LCOR: variants seen among roughly 807,000 people sequenced by gnomAD.
The protein encoded by LCOR is ligand-dependent corepressor.
In LCOR, 14 loss-of-function variants were observed where a neutral mutation model predicts 64.4. The observed-to-expected ratio is 0.22, with a 90% CI of 0.14 to 0.34. The LOEUF (loss-of-function observed/expected upper bound fraction) is 0.34. LCOR is among the 10% of genes least tolerant of loss of function. LCOR has a pLI of 1.00. For missense variants in LCOR, 1,686 were observed against 1,765.3 expected, an observed-to-expected ratio of 0.96 and a Z score of 0.80; for synonymous variants, 643 against 642.5, an observed-to-expected ratio of 1.00 and a Z score of -0.01.
At chr10:96,928,783 A>G (rs1233847117) in intron 4 of LCOR, among the ~76,000 whole-genome samples, 1 of 152,222 alleles carries the variant, frequency 6.6e-6, no homozygotes, top group Admixed American at 6.5e-5. Flanking sequence ...TTTCTTAAGT[A>G]ACAAGACTTG....
At chr10:96,879,560 A>G (rs1191271591) in intron 2 of LCOR, among the ~76,000 whole-genome samples, 3 of 152,238 alleles carry the variant, frequency 2.0e-5, no homozygotes, top group African/African-American at 4.8e-5. Flanking sequence ...CGTAGAAATT[A>G]TATCTCATGG....
At chr10:96,842,542 T>G (rs1379611919) in intron 2 of LCOR, among the ~76,000 whole-genome samples, 1 of 152,182 alleles carries the variant, frequency 6.6e-6, no homozygotes, top group Non-Finnish European at 1.5e-5. Flanking sequence ...CATATCTGAT[T>G]TAATATAGTA....
At chr10:96,860,043 A>G (rs1845863188) in intron 2 of LCOR, among the ~76,000 whole-genome samples, 1 of 152,212 alleles carries the variant, frequency 6.6e-6, no homozygotes, top group Admixed American at 6.5e-5. Context: ...TAAGGGCTTG[A>G]AGGAGAAGAG....
At chr10:96,922,076 G>T (rs535853114) in intron 4 of LCOR, among the ~76,000 whole-genome samples, 3 of 152,226 alleles carry the variant, frequency 2.0e-5, no homozygotes, top group Non-Finnish European at 4.4e-5. Context: ...CAGGGTGGAT[G>T]TTTTTTCTGC....
chr10:96,890,471 C>G (rs1182702940), intron 2 of LCOR, among the ~76,000 whole-genome samples: 1 of 152,200 alleles, frequency 6.6e-6, no homozygotes, highest in East Asian at 1.9e-4. Context: ...TTGAAAGATT[C>G]TTTAGAATTA....
At chr10:96,965,690 G>T (rs138772324) in intron 7 of LCOR, among the ~76,000 whole-genome samples, 1 of 150,394 alleles carries the variant, frequency 6.6e-6, no homozygotes, top group African/African-American at 2.5e-5. Context: ...AAAAAGACGG[G>T]CTATCTAGCT....
At chr10:96,964,172 G>T (rs945887055) in intron 7 of LCOR, 41 of 150,238 alleles carry the variant, frequency 2.7e-4, no homozygotes, top group African/African-American at 9.5e-4. Context: ...TCTGATTTTT[G>T]ACTGGACTAA....
intron 7 of LCOR, chr10:96,959,476 G>A (rs1847846503): frequency 6.6e-6 from 1 of 151,998 alleles, no homozygotes; most frequent in African/African-American, 2.4e-5. Flanking sequence ...GATAAGCTAT[G>A]GCACTATAAA....
intron 2 of LCOR, among the ~76,000 whole-genome samples, chr10:96,869,117 G>C (rs868509227): frequency 1.3e-5 from 2 of 152,044 alleles, no homozygotes; most frequent in Admixed American, 1.3e-4. Context: ...TGTTGGCTAG[G>C]CTGGTCTCAA....
chr10:96,924,375 TTTTGTTTGTTTG>T (rs72393708), intron 4 of LCOR, among the ~76,000 whole-genome samples: 46 of 149,856 alleles, frequency 3.1e-4, no homozygotes, highest in South Asian at 4.3e-4. Context: ...GCCAATTTGT[TTTTGTTTGTTTG>T]TTTGTTTGTT....
chr10:96,904,688 GCTGT>G (rs1332294827), intron 2 of LCOR, among the ~76,000 whole-genome samples: 1 of 152,108 alleles, frequency 6.6e-6, no homozygotes, highest in Non-Finnish European at 1.5e-5. Context: ...TAACGGCATG[GCTGT>G]CTTTTTCAGT....
chr10:96,984,041 G>A lies in LCOR; in HGVS notation c.3581G>A (p.Arg1194Gln), dbSNP rs142383450. 6.8e-6 allele frequency: 11 copies of A among 1,613,890 alleles called. No homozygotes were observed. The highest frequency in any genetic ancestry group is 2.7e-5 in the African/African-American group (2 of 74,980). ...CKWFLETTET[R>Q]SLVIVKKLNT... ...TGGTTCTTAGAGACAACTGAAACCC[G>A]GTCTCTAGTCATTGTGAAGAAGCTC... Residue 1194 changes from arginine (R) to glutamine (Q), a missense_variant, in exon 8 of 8, where the codon CGG becomes CAG. Arg to Gln is a conservative substitution (Grantham distance 43, BLOSUM62 1). Coordinates refer to ENST00000421806, the MANE Select transcript of LCOR (RefSeq NM_001346516.2).
intron 2 of LCOR, among the ~76,000 whole-genome samples, chr10:96,902,087 C>CA (rs1221044469): frequency 2.0e-5 from 3 of 152,016 alleles, no homozygotes; most frequent in Admixed American, 1.3e-4. Flanking sequence ...TCTCCTCCCC[C>CA]CAAGCATTTG....
At chr10:96,843,225 A>G (rs1242679482) in intron 2 of LCOR, among the ~76,000 whole-genome samples, 1 of 152,172 alleles carries the variant, frequency 6.6e-6, no homozygotes, top group Non-Finnish European at 1.5e-5. Flanking sequence ...CCTGGGGTCA[A>G]AGTGATCCTC....
intron 4 of LCOR, among the ~76,000 whole-genome samples, chr10:96,929,970 G>A (rs1486838557): frequency 3.3e-5 from 5 of 152,120 alleles, no homozygotes; most frequent in African/African-American, 9.7e-5. Flanking sequence ...TTATACAGGT[G>A]CAGTGTGTGG....
chr10:96,905,002 T>C (rs927153643), intron 2 of LCOR, among the ~76,000 whole-genome samples: 3 of 152,202 alleles, frequency 2.0e-5, no homozygotes, highest in African/African-American at 4.8e-5. Context: ...AGTGACTTGT[T>C]TACAGTTGCT....
intron 7 of LCOR, among the ~76,000 whole-genome samples, chr10:96,974,263 C>G (rs1848020587): frequency 6.6e-6 from 1 of 152,316 alleles, no homozygotes; most frequent in East Asian, 1.9e-4. Flanking sequence ...AAACTGAAAA[C>G]TAATTTAAGT....
Position 96,952,150 on chromosome 10 carries a change from A to G in LCOR, c.286A>G (p.Thr96Ala). The G allele has an allele frequency of 6.2e-7, 1 of 1,614,118 alleles. No homozygotes were observed. The highest frequency in any genetic ancestry group is 8.5e-7 in the Non-Finnish European group (1 of 1,179,974). Residue 96 changes from threonine to alanine, a missense_variant, in exon 7 of 8, where the codon ACT becomes GCT. By Grantham distance (58) the Thr-to-Ala change is moderately conservative. Transcript: ENST00000421806. ...STKKSPCAGS[T>A]SLSHSPGCSS... ...TAAGAAAAGTCCATGTGCTGGCAGC[A>G]CTTCCCTGAGCCACTCTCCAGGCTG...
At position 96,981,685 on chromosome 10, in the gene LCOR, C is replaced by T. The variant is rs1848088457; in HGVS notation, c.1225C>T (p.His409Tyr). 6.2e-7 allele frequency: 1 copy of T among 1,614,248 alleles called. No individual in the cohort carries two copies. The highest frequency in any genetic ancestry group is 1.7e-5 in the Admixed American group (1 of 60,036). ...AAGAAATAAGGTGGGTTACCATTTA[C>T]ATCCCAGTGATAAGGGCCAGTTTGA... ...LGRNKVGYHL[H>Y]PSDKGQFDHS... Residue 409 changes from histidine to tyrosine, a missense_variant, in exon 8 of 8, where the codon CAT becomes TAT. His to Tyr is a moderately conservative substitution (Grantham distance 83). Transcript: ENST00000421806.
Sources: allele counts gnomAD v4.1 joint callset (sites outside exome capture counted in the v4.1 genomes callset), GRCh38; gene constraint gnomAD v4.1.1; transcripts MANE v1.5; gene names NCBI Gene and HGNC (gene_info 2026-07-23, HGNC 2026-07-21).